CLMP: variants seen among roughly 807,000 people sequenced by gnomAD.
CLMP encodes CXADR like cell adhesion molecule, also known as CXADR-like membrane protein.
In CLMP, 27 loss-of-function variants were observed where a neutral mutation model predicts 45.2. The ratio of observed to expected loss-of-function variants is 0.60; its 90% CI spans 0.44 to 0.82. CLMP has a LOEUF of 0.82. CLMP is among the 40% of genes least tolerant of loss of function. CLMP has a pLI of 0.00. For missense variants in CLMP, 403 were observed against 448.4 expected (o/e 0.90, Z 0.91); for synonymous variants, 167 against 171.4 (o/e 0.97, Z 0.20).
chr11:123,099,157 C>T (rs1399334472), intron 1 of CLMP, among the ~76,000 whole-genome samples: 1 of 152,158 alleles, frequency 6.6e-6, no homozygotes, highest in Non-Finnish European at 1.5e-5. Context: ...ATCTTTCTGT[C>T]TTCTATTAGC....
At chr11:123,092,478 A>G (rs771562580) in intron 2 of CLMP, among the ~76,000 whole-genome samples, 7 of 151,440 alleles carry the variant, frequency 4.6e-5, no homozygotes, top group Admixed American at 2.0e-4. Context: ...TTGTATTTTT[A>G]GTAGAGACTG....
intron 1 of CLMP, among the ~76,000 whole-genome samples, chr11:123,104,449 A>T (rs1860506379): frequency 6.6e-6 from 1 of 151,080 alleles, no homozygotes; most frequent in African/African-American, 2.4e-5. Flanking sequence ...CAATGGCGTC[A>T]TCTCAGCTCG....
intron 1 of CLMP, among the ~76,000 whole-genome samples, chr11:123,149,474 C>G (rs1861282381): frequency 6.6e-6 from 1 of 152,196 alleles, no homozygotes; most frequent in Admixed American, 6.5e-5. Context: ...CAGTCACCAT[C>G]TCTGGGTTCT....
At chr11:123,130,214 A>G (rs1348588710) in intron 1 of CLMP, among the ~76,000 whole-genome samples, 1 of 152,002 alleles carries the variant, frequency 6.6e-6, no homozygotes, top group East Asian at 1.9e-4. Flanking sequence ...GAAATTTGAA[A>G]CTCTGGGAAC....
chr11:123,167,896 G>T (rs113445690), intron 1 of CLMP, among the ~76,000 whole-genome samples: 5,470 of 152,264 alleles, frequency 0.036, 297 homozygotes, highest in African/African-American at 0.12. Context: ...AGGGAGGATT[G>T]TTGAGTTCCT....
chr11:123,074,452 G>C (rs1421629697), intron 6 of CLMP, among the ~76,000 whole-genome samples: 2 of 152,114 alleles, frequency 1.3e-5, no homozygotes, highest in Non-Finnish European at 1.5e-5. Context: ...AAAGTGCTGG[G>C]ATTACAGGCA....
intron 1 of CLMP, among the ~76,000 whole-genome samples, chr11:123,109,529 T>C (rs1860609366): frequency 6.6e-6 from 1 of 152,132 alleles, no homozygotes; most frequent in South Asian, 2.1e-4. Context: ...AACCGGCAGA[T>C]TGGAAACACA....
intron 1 of CLMP, among the ~76,000 whole-genome samples, chr11:123,102,940 T>C (rs1258121096): frequency 8.6e-5 from 13 of 152,032 alleles, no homozygotes; most frequent in Non-Finnish European, 1.9e-4. Flanking sequence ...GTACCATTCA[T>C]TGCTGCCTTC....
chr11:123,125,618 T>G (rs1346933904), intron 1 of CLMP, among the ~76,000 whole-genome samples: 1 of 147,402 alleles, frequency 6.8e-6, no homozygotes, highest in Non-Finnish European at 1.5e-5. Context: ...TCTTTCTTTT[T>G]TTTGAGACAG....
intron 2 of CLMP, among the ~76,000 whole-genome samples, chr11:123,096,134 A>G (rs1181538273): frequency 6.6e-6 from 1 of 152,148 alleles, no homozygotes; most frequent in African/African-American, 2.4e-5. Context: ...AGGCCGAGGC[A>G]GGCCGAACAC....
Position 123,073,558 on chromosome 11 carries a change from C to A in CLMP, c.1038G>T (p.Lys346Asn). ...VGPEVRGSEP[K>N]KVHHANLTKA... ...TGGTCAGATTAGCATGGTGGACTTT[C>A]TTTGGTTCAGAACCTCTCACCTCTG... Residue 346 changes from lysine to asparagine, a missense_variant, in exon 7 of 7, where the codon AAG becomes AAT. Lys to Asn is a moderately conservative substitution (Grantham distance 94). Coordinates refer to ENST00000448775, the MANE Select transcript of CLMP (RefSeq NM_024769.5). 6.2e-7 allele frequency: 1 copy of A among 1,614,208 alleles called. No individual in the cohort carries two copies. Among genetic ancestry groups the A allele is most frequent in the African/African-American group, 1.3e-5 (1 of 75,054 alleles).
At chr11:123,113,126 TACA>T (rs200183872) in intron 1 of CLMP, among the ~76,000 whole-genome samples, 1,562 of 152,354 alleles carry the variant, frequency 0.01, 12 homozygotes, top group Non-Finnish European at 0.017. Flanking sequence ...ATACTGATGC[TACA>T]ACATTTTCTT....
intron 1 of CLMP, among the ~76,000 whole-genome samples, chr11:123,116,284 A>G (rs1222722314): frequency 6.6e-6 from 1 of 152,058 alleles, no homozygotes; most frequent in Non-Finnish European, 1.5e-5. Context: ...AAAGCCTTAA[A>G]GGCCTGGCAT....
At chr11:123,114,884 G>T (rs990025120) in intron 1 of CLMP, among the ~76,000 whole-genome samples, 27 of 152,066 alleles carry the variant, frequency 1.8e-4, no homozygotes, top group African/African-American at 6.0e-4. Context: ...CACAGATTAC[G>T]AGGAATTGAG....
chr11:123,159,082 C>A (rs192973157), intron 1 of CLMP, among the ~76,000 whole-genome samples: 18 of 152,016 alleles, frequency 1.2e-4, no homozygotes, highest in Admixed American at 7.2e-4. Flanking sequence ...TAAGACATTT[C>A]GAAAATGTGA....
chr11:123,163,045 A>G (rs947239133), intron 1 of CLMP, among the ~76,000 whole-genome samples: 8 of 151,922 alleles, frequency 5.3e-5, no homozygotes, highest in African/African-American at 1.9e-4. Flanking sequence ...AAGAAGGGAG[A>G]GGGTTTGGGG....
intron 1 of CLMP, among the ~76,000 whole-genome samples, chr11:123,133,764 G>A (rs1163588092): frequency 6.6e-6 from 1 of 152,120 alleles, no homozygotes; most frequent in Non-Finnish European, 1.5e-5. Flanking sequence ...TATGCCCAGA[G>A]GAAGGAGTGT....
chr11:123,095,818 A>G (rs748676112), intron 2 of CLMP, among the ~76,000 whole-genome samples: 13 of 152,178 alleles, frequency 8.5e-5, no homozygotes, highest in Admixed American at 5.2e-4. Context: ...CCAAGAGTGG[A>G]GCATTTTCAC....
chr11:123,154,394 C>T (rs1861383977), intron 1 of CLMP, among the ~76,000 whole-genome samples: 1 of 152,196 alleles, frequency 6.6e-6, no homozygotes, highest in Non-Finnish European at 1.5e-5. Flanking sequence ...TGGAGGCCAC[C>T]TAGGCAATGG....
Sources: gnomAD v4.1 joint callset for allele counts (sites outside exome capture counted in the v4.1 genomes callset) on GRCh38, gnomAD v4.1.1 for gene constraint, MANE v1.5 for transcripts, NCBI Gene and HGNC (gene_info 2026-07-23, HGNC 2026-07-21) for gene names.